Variants in TDRP observed in about 807,000 individuals in gnomAD.
The protein encoded by TDRP is testis development related protein.
Under a neutral mutation model 10.5 loss-of-function variants are expected in TDRP, and 12 were observed. The observed-to-expected ratio is 1.15, with a 90% CI of 0.73 to 1.86. TDRP has a LOEUF of 1.86. Ranked by LOEUF, TDRP falls within the 40% of genes most tolerant of loss-of-function variation. The pLI is 0.00. For missense variants in TDRP, 353 were observed against 229.2 expected (o/e 1.54, Z -3.49); for synonymous variants, 139 against 95.4 (o/e 1.46, Z -2.67).
chr8:536,421 T>G (rs902189926), intron 1 of TDRP, among the ~76,000 whole-genome samples: 4 of 152,246 alleles, frequency 2.6e-5, no homozygotes, highest in African/African-American at 9.6e-5. Flanking sequence ...AAATTTCAAG[T>G]TAAAAACATT....
intron 1 of TDRP, among the ~76,000 whole-genome samples, chr8:523,146 T>C (rs1271990036): frequency 1.3e-5 from 2 of 152,204 alleles, no homozygotes; most frequent in Non-Finnish European, 2.9e-5. Flanking sequence ...GAAATGTTTT[T>C]ATTCCTTTTT....
intron 1 of TDRP, among the ~76,000 whole-genome samples, chr8:541,626 G>T (rs1409542758): frequency 6.6e-6 from 1 of 152,054 alleles, no homozygotes; most frequent in African/African-American, 2.4e-5. Context: ...ACCAAAAAAG[G>T]GACACAGATG....
intron 1 of TDRP, among the ~76,000 whole-genome samples, chr8:522,476 G>C (rs907586556): frequency 2.0e-5 from 3 of 152,144 alleles, no homozygotes; most frequent in Non-Finnish European, 4.4e-5. Context: ...CTCTAGCTGT[G>C]CAGCTCTAAG....
At chr8:498,762 C>T (rs1025147119) in intron 1 of TDRP, among the ~76,000 whole-genome samples, 2 of 152,154 alleles carry the variant, frequency 1.3e-5, no homozygotes, top group Non-Finnish European at 2.9e-5. Flanking sequence ...ATAATCCCCA[C>T]ATGTCAGGGA....
chr8:520,647 G>A (rs1328877357), intron 1 of TDRP, among the ~76,000 whole-genome samples: 2 of 152,174 alleles, frequency 1.3e-5, no homozygotes, highest in Non-Finnish European at 2.9e-5. Context: ...TAATGGTTGT[G>A]AGGTGACATC....
At chr8:523,593 C>T (rs1563127654) in intron 1 of TDRP, among the ~76,000 whole-genome samples, 1 of 152,190 alleles carries the variant, frequency 6.6e-6, no homozygotes, top group Non-Finnish European at 1.5e-5. Context: ...TGTCCTAGGC[C>T]TTGCAGCATT....
At position 544,717 on chromosome 8, in the gene TDRP, G is replaced by C; in HGVS notation, c.41C>G (p.Pro14Arg). Residue 14 changes from proline to arginine, a missense_variant, in exon 1 of 3, where the codon CCC becomes CGC. Transcript: ENST00000324079. ...LGRGRVLLDE[P>R]PEEEDGLRGG... The stretch of plus-strand genomic sequence containing the variant: ...ACGCAGGCCGTCCTCCTCCTCGGGG[G>C]GCTCGTCCAGCAGCACTCGGCCCCG... 1 of 1,245,006 alleles carries C rather than the reference G, an allele frequency of 8.0e-7. No individual in the cohort carries two copies. The highest frequency in any genetic ancestry group is 1.0e-6 in the Non-Finnish European group (1 of 994,464). 77.1% of individuals were successfully genotyped at this position (1,245,006 alleles called of 1,614,324 possible). A position where few individuals can be genotyped will look rare whatever the true frequency, so the allele number is the denominator to read the frequency against.
At chr8:503,855 C>A (rs1459816957) in intron 1 of TDRP, among the ~76,000 whole-genome samples, 2 of 148,268 alleles carry the variant, frequency 1.3e-5, no homozygotes, top group Non-Finnish European at 3.0e-5. Context: ...ATGCCCACCT[C>A]TGCACACACC....
intron 1 of TDRP, among the ~76,000 whole-genome samples, chr8:544,028 C>T (rs1424678449): frequency 1.3e-5 from 2 of 152,194 alleles, no homozygotes; most frequent in African/African-American, 2.4e-5. Flanking sequence ...CATATCTCTA[C>T]ACTCGTCAGG....
chr8:521,342 G>A (rs923198805), intron 1 of TDRP, among the ~76,000 whole-genome samples: 8 of 151,778 alleles, frequency 5.3e-5, no homozygotes, highest in East Asian at 1.9e-4. Context: ...GCGTGAACCC[G>A]GGAGGCGGGG....
chr8:500,710 G>C (rs1801268801), intron 1 of TDRP, among the ~76,000 whole-genome samples: 1 of 152,204 alleles, frequency 6.6e-6, no homozygotes. Context: ...TTTTGCCACA[G>C]GAAGGGCAGG....
rs184683264 is a variant in TDRP at position 536,062 on chromosome 8, G to T, written c.108+8588C>A. On this transcript the variant is annotated intron_variant, in intron 1 of 2. Transcript: ENST00000324079. Reference sequence around the variant, plus strand: ...AGTAAAAGTACACCTTATCAATTAGGGTTTTAAACTCTCAGGAATAAAAAT... The same window carrying T: ...AGTAAAAGTACACCTTATCAATTAGTGTTTTAAACTCTCAGGAATAAAAAT... Among the ~76,000 whole-genome samples the T allele has an allele frequency of 2.6e-5, 4 of 152,214 alleles. No individual in the cohort carries two copies. The South Asian group carries it at 8.3e-4, about 32-fold the overall frequency.
At chr8:518,072 G>A (rs1286963066) in intron 1 of TDRP, among the ~76,000 whole-genome samples, 1 of 152,168 alleles carries the variant, frequency 6.6e-6, no homozygotes, top group Non-Finnish European at 1.5e-5. Context: ...CAGACTCACA[G>A]AACAGACAAC....
Position 492,590 on chromosome 8 carries a change from G to T in TDRP, c.367C>A (p.Pro123Thr), listed in dbSNP as rs766695027. The change falls in exon 3 of 3, where the codon CCT becomes ACT. Residue 123 changes from proline (P) to threonine (T), a missense_variant. Transcript: ENST00000324079. Reference sequence around the variant, plus strand: ...GGGTGGCCACCCACGGTGTCCTCAGGGTCAGCCGATATGTCTTCAAGAGCA... The same window carrying T: ...GGGTGGCCACCCACGGTGTCCTCAGTGTCAGCCGATATGTCTTCAAGAGCA... ...KLALEDISAD[P>T]EDTVGGHPSW... 1.2e-6 allele frequency: 2 copies of T among 1,613,812 alleles called. No individual in the cohort carries two copies. Among genetic ancestry groups the T allele is most frequent in the Non-Finnish European group, 1.7e-6 (2 of 1,179,794 alleles).
At chr8:500,932 C>T (rs7840812) in intron 1 of TDRP, among the ~76,000 whole-genome samples, 4,535 of 152,288 alleles carry the variant, frequency 0.03, 212 homozygotes, top group African/African-American at 0.1. Context: ...GCAGGCCGGG[C>T]GCGGTGTCTC....
chr8:495,570 C>G (rs763853283), intron 1 of TDRP, among the ~76,000 whole-genome samples: 3 of 152,196 alleles, frequency 2.0e-5, no homozygotes, highest in Non-Finnish European at 2.9e-5. Context: ...CGGCGTGTGT[C>G]GAAGGCCCTT....
intron 1 of TDRP, among the ~76,000 whole-genome samples, chr8:510,557 G>A (rs1801588045): frequency 6.6e-6 from 1 of 152,186 alleles, no homozygotes; most frequent in South Asian, 2.1e-4. Context: ...AACAATGAAT[G>A]CCGGAAGGCA....
chr8:541,472 G>C (rs1802493784), intron 1 of TDRP, among the ~76,000 whole-genome samples: 1 of 152,168 alleles, frequency 6.6e-6, no homozygotes, highest in Non-Finnish European at 1.5e-5. Context: ...AGAATGTGAA[G>C]CCACAGATTG....
chr8:516,414 A>C (rs1192103975), intron 1 of TDRP, among the ~76,000 whole-genome samples: 3 of 152,232 alleles, frequency 2.0e-5, no homozygotes, highest in Non-Finnish European at 4.4e-5. Context: ...CTTAAAACCC[A>C]ACAATAAGAA....
Sources: gnomAD v4.1 joint callset for allele counts (sites outside exome capture counted in the v4.1 genomes callset) on GRCh38, gnomAD v4.1.1 for gene constraint, MANE v1.5 for transcripts, NCBI Gene and HGNC (gene_info 2026-07-23, HGNC 2026-07-21) for gene names.